Variants in SMO observed in about 807,000 individuals in gnomAD.
SMO encodes the protein smoothened, frizzled class receptor, also known as protein smoothened.
In SMO, 40 loss-of-function variants were observed where a neutral mutation model predicts 81.6. The observed-to-expected ratio is 0.49, with a 90% CI of 0.38 to 0.64. SMO has a LOEUF of 0.64. Among genes scored for constraint, SMO ranks in the 30% least tolerant of loss-of-function variants. SMO has a pLI of 0.00. For missense variants in SMO, 916 were observed against 1,061.1 expected, an observed-to-expected ratio of 0.86 and a Z score of 1.90; for synonymous variants, 434 against 432.1, an observed-to-expected ratio of 1.00 and a Z score of -0.05.
rs184397722 is a variant in SMO at position 129,191,266 on chromosome 7, G to A, written c.331+1784G>A. 5.3e-5 allele frequency among the ~76,000 whole-genome samples: 8 copies of A among 152,358 alleles called. No homozygotes were observed. The East Asian group carries it at 1.5e-3, about 29-fold the overall frequency. ...GAGGAAGGGTATGAACCTCTTTCCA[G>A]CCCATACTCTTGAGAGCAGCTGCTG... On this transcript the variant is annotated intron_variant, in intron 1 of 11. Coordinates refer to ENST00000249373, the MANE Select transcript of SMO (RefSeq NM_005631.5).
chr7:129,197,426 A>G (rs1370141482), intron 1 of SMO, among the ~76,000 whole-genome samples: 1 of 152,004 alleles, frequency 6.6e-6, no homozygotes, highest in African/African-American at 2.4e-5. Flanking sequence ...TGGATGTTGA[A>G]TTTTATCAAC....
In SMO at chr7:129,205,782, C is replaced by T. The variant is rs201012381; in HGVS notation, c.920C>T (p.Thr307Ile). 139 of 1,602,472 alleles carry T rather than the reference C, an allele frequency of 8.7e-5. No homozygotes were observed. The highest frequency in any genetic ancestry group is 1.1e-4 in the Non-Finnish European group (134 of 1,178,000). Reference sequence around the variant, plus strand: ...GGCACCATGAGGCTTGGGGAGCCCACGTAGGTGTCTTGGGGACCCAGAGGT... The same window carrying T: ...GGCACCATGAGGCTTGGGGAGCCCATGTAGGTGTCTTGGGGACCCAGAGGT... ...ADGTMRLGEP[T>I]SNETLSCVII... The change falls in exon 4 of 12, where the codon ACC becomes ATC. Residue 307 changes from threonine (T) to isoleucine (I), a missense_variant and splice_region_variant. Coordinates refer to ENST00000249373, the MANE Select transcript of SMO (RefSeq NM_005631.5).
intron 1 of SMO, among the ~76,000 whole-genome samples, chr7:129,195,828 G>A (rs1466329670): frequency 3.3e-5 from 5 of 152,070 alleles, no homozygotes; most frequent in Non-Finnish European, 5.9e-5. Context: ...TGGGCCAGGC[G>A]TGGTGGCTCA....
At chr7:129,200,715 A>C (rs1793655027) in intron 1 of SMO, among the ~76,000 whole-genome samples, 1 of 152,180 alleles carries the variant, frequency 6.6e-6, no homozygotes, top group Admixed American at 6.5e-5. Flanking sequence ...AGATTGAGAA[A>C]AATTACAGTT....
Position 129,195,886 on chromosome 7 carries a change from G to A in SMO, c.331+6404G>A, listed in dbSNP as rs529250715. The stretch of plus-strand genomic sequence containing the variant: ...GGAGGTCAAGGTGGGCAGATCACGA[G>A]GTCAGGAAGTCGAGACCATCCTGGC... On this transcript the variant is annotated intron_variant, in intron 1 of 11. Coordinates refer to ENST00000249373, the MANE Select transcript of SMO (RefSeq NM_005631.5). Among the ~76,000 whole-genome samples, 17 of 152,084 alleles carry A rather than the reference G, an allele frequency of 1.1e-4. No individual in the cohort carries two copies. In the South Asian group the frequency reaches 3.5e-3, roughly 32 times the overall value.
rs1381434757 is a variant in SMO at position 129,189,134 on chromosome 7, G to A, written c.-18G>A. The A allele has an allele frequency of 8.3e-7, 1 of 1,201,150 alleles. No homozygotes were observed. The highest frequency in any genetic ancestry group is 4.4e-5 in the Admixed American group (1 of 22,866). The allele number at this position is 1,201,150 out of a possible 1,614,324, so 74.4% of individuals were successfully genotyped here. A position where few individuals can be genotyped will look rare whatever the true frequency, so the allele number is the denominator to read the frequency against. On this transcript the variant is annotated 5_prime_UTR_variant, in exon 1 of 12. Transcript: ENST00000249373. This position sits in a 1 kb window ranked among gnomAD's most constrained non-coding sequence, Gnocchi z 4.7. ...AGGCGGGGGCGCCGGGGCTTTTGCT[G>A]AGTTGGCGGGGTTGGCCATGGCCGC...
Position 129,203,422 on chromosome 7 carries a change from C to A in SMO, c.370C>A (p.Pro124Thr), listed in dbSNP as rs915272388. 18 of 1,558,178 alleles carry A rather than the reference C, an allele frequency of 1.2e-5. No individual in the cohort carries two copies. Among genetic ancestry groups the A allele is most frequent in the Non-Finnish European group, 1.6e-5 (18 of 1,150,724 alleles). The change falls in exon 2 of 12, where the codon CCC becomes ACC. Residue 124 changes from proline (P) to threonine (T), a missense_variant. By Grantham distance (38) the Pro-to-Thr change is conservative. Around this residue, in one of 4 missense-constraint regions of SMO, gnomAD observed 10 missense variants for 27.5 expected, o/e 0.36. Transcript: ENST00000249373. ...CCCCCGCTGCTGGGCAGTGATCCAG[C>A]CCCTGCTGTGTGCCGTATACATGCC... Reference protein sequence around the residue: ...NAPRCWAVIQPLLCAVYMPKC... With the variant: ...NAPRCWAVIQTLLCAVYMPKC...
At position 129,211,799 on chromosome 7, in the gene SMO, G is replaced by T. The variant is rs200513404; in HGVS notation, c.1936+29G>T. ...TGAGAGTTCAAGCTTCTGGAGGAAG[G>T]TGGGGGGAGCACAGAGGCTGGGGGC... On this transcript the variant is annotated intron_variant, in intron 11 of 11. Coordinates refer to ENST00000249373, the MANE Select transcript of SMO (RefSeq NM_005631.5). The surrounding 1 kb of genome is among the most constrained non-coding windows in gnomAD (Gnocchi z 4.6). 1 of 1,613,674 alleles carries T rather than the reference G, an allele frequency of 6.2e-7. No homozygotes were observed. The highest frequency in any genetic ancestry group is 8.5e-7 in the Non-Finnish European group (1 of 1,179,728).
rs1793870216 is a variant in SMO, at chr7:129,211,558, T to C, written c.1802-78T>C. 67 of 1,488,720 alleles carry C rather than the reference T, an allele frequency of 4.5e-5. 1 individual carries two copies. In the South Asian group the frequency reaches 6.9e-4, roughly 15 times the overall value. 92.2% of individuals were successfully genotyped at this position (1,488,720 alleles called of 1,614,324 possible). ...GAGGGACTGGCTGTGGGAAGATGAA[T>C]GGCACTGACTATGGGAGGCACTGCC... On this transcript the variant is annotated intron_variant, in intron 10 of 11. Coordinates refer to ENST00000249373, the MANE Select transcript of SMO (RefSeq NM_005631.5). The surrounding 1 kb of genome is among the most constrained non-coding windows in gnomAD (Gnocchi z 4.6).
Position 129,210,375 on chromosome 7 carries a change from T to C in SMO, c.1479T>C (p.Asn493=), listed in dbSNP as rs1487307825. 2.5e-6 allele frequency: 4 copies of C among 1,614,038 alleles called. No homozygotes were observed. The highest frequency in any genetic ancestry group is 3.4e-6 in the Non-Finnish European group (4 of 1,179,884). ...TCCCTCACTGTAGATGTCAGGCCAA[T>C]GTGACCATCGGGCTGCCCACCAAGC... ...SFRDYVLCQA[N]VTIGLPTKQP... The change falls in exon 9 of 12, where the codon AAT becomes AAC. Residue 493 remains asparagine (N), a synonymous_variant. Coordinates refer to ENST00000249373, the MANE Select transcript of SMO (RefSeq NM_005631.5). The surrounding 1 kb of genome is among the most constrained non-coding windows in gnomAD (Gnocchi z 4.7).
intron 1 of SMO, among the ~76,000 whole-genome samples, chr7:129,198,380 G>A (rs1035806100): frequency 6.6e-6 from 1 of 152,210 alleles, no homozygotes; most frequent in Non-Finnish European, 1.5e-5. Context: ...CACCAACACT[G>A]GTTTTTGTGT....
Position 129,210,504 on chromosome 7 carries a change from C to T in SMO, c.1608C>T (p.Val536=), listed in dbSNP as rs2150653947. ...CTGGCATCGCCATGAGCACCTGGGT[C>T]TGGACCAAGGCCACGCTGCTCATCT... ...FGTGIAMSTW[V]WTKATLLIWR... Residue 536 remains valine (V), a synonymous_variant, in exon 9 of 12, where the codon GTC becomes GTT. Transcript: ENST00000249373. The surrounding 1 kb of genome is among the most constrained non-coding windows in gnomAD (Gnocchi z 4.7). 6.2e-7 allele frequency: 1 copy of T among 1,614,210 alleles called. No homozygotes were observed. Among genetic ancestry groups the T allele is most frequent in the Non-Finnish European group, 8.5e-7 (1 of 1,180,032 alleles).
intron 1 of SMO, among the ~76,000 whole-genome samples, chr7:129,194,137 TAC>T (rs1290099104): frequency 4.0e-5 from 6 of 151,382 alleles, no homozygotes; most frequent in African/African-American, 1.2e-4. Context: ...TGTGTATGTA[TAC>T]ACACACACAC....
intron 1 of SMO, among the ~76,000 whole-genome samples, chr7:129,195,752 T>C (rs1793562579): frequency 6.6e-6 from 1 of 152,096 alleles, no homozygotes; most frequent in East Asian, 1.9e-4. Context: ...TTTCAAGATA[T>C]CTGCAACAAA....
At position 129,211,646 on chromosome 7, in the gene SMO, C is replaced by G; in HGVS notation, c.1812C>G (p.Ala604=). Reference sequence around the variant, plus strand: ...CTTCCATTCCCACAGCGGGCTTGGCCTTTGACCTCAATGAGCCCTCAGCTG... The same window carrying G: ...CTTCCATTCCCACAGCGGGCTTGGCGTTTGACCTCAATGAGCCCTCAGCTG... The part of the protein sequence containing the change: ...VSHDGPVAGL[A]FDLNEPSADV... The change falls in exon 11 of 12, where the codon GCC becomes GCG. Residue 604 remains alanine, a synonymous_variant. Transcript: ENST00000249373. This position sits in a 1 kb window ranked among gnomAD's most constrained non-coding sequence, Gnocchi z 4.6. 1 of 1,613,028 alleles carries G rather than the reference C, an allele frequency of 6.2e-7. No individual in the cohort carries two copies. The highest frequency in any genetic ancestry group is 8.5e-7 in the Non-Finnish European group (1 of 1,179,976).
chr7:129,194,590 T>A (rs1300003687), intron 1 of SMO, among the ~76,000 whole-genome samples: 3 of 152,190 alleles, frequency 2.0e-5, no homozygotes, highest in African/African-American at 7.2e-5. Flanking sequence ...ATCCTTTTTT[T>A]CTCTATGGTT....
chr7:129,208,844 G>T lies in SMO; in HGVS notation c.1350G>T (p.Leu450=). 6.2e-7 allele frequency: 1 copy of T among 1,612,762 alleles called. No homozygotes were observed. The highest frequency in any genetic ancestry group is 1.7e-5 in the Admixed American group (1 of 60,002). ...CCAGCAAGATCAACGAGACCATGCT[G>T]CGCCTGGGTGAGTGGCCCCGGGGGA... ...KAASKINETM[L]RLGIFGFLAF... Residue 450 remains leucine (L), a synonymous_variant, in exon 7 of 12, where the codon CTG becomes CTT. Transcript: ENST00000249373. The surrounding 1 kb of genome is among the most constrained non-coding windows in gnomAD (Gnocchi z 5.2).
rs1793744353 is a variant in SMO, at chr7:129,205,265, A to G, written c.600A>G (p.Thr200=). 1.2e-6 allele frequency: 2 copies of G among 1,614,134 alleles called. No homozygotes were observed. Among genetic ancestry groups the G allele is most frequent in the African/African-American group, 2.7e-5 (2 of 74,954 alleles). Residue 200 remains threonine (T), a synonymous_variant, in exon 3 of 12, where the codon ACA becomes ACG. Transcript: ENST00000249373. ...AGTGCGAAGTGCCCTTGGTTCGGAC[A>G]GACAACCCCAAGAGCTGGTACGAGG... The part of the protein sequence containing the change: ...SGQCEVPLVR[T]DNPKSWYEDV...
chr7:129,208,872 T>C lies in SMO; in HGVS notation c.1357+21T>C, dbSNP rs750915145. On this transcript the variant is annotated intron_variant, in intron 7 of 11. Transcript: ENST00000249373. This position sits in a 1 kb window ranked among gnomAD's most constrained non-coding sequence, Gnocchi z 5.2. ...CCTGGGTGAGTGGCCCCGGGGGACT[T>C]CGGTCTGAGGTCCTGGCCAGCCCAA... is the stretch of plus-strand genomic sequence containing the variant. 6.3e-7 allele frequency: 1 copy of C among 1,579,718 alleles called. No homozygotes were observed. The highest frequency in any genetic ancestry group is 8.7e-7 in the Non-Finnish European group (1 of 1,150,534).
Sources: allele counts gnomAD v4.1 joint callset (sites outside exome capture counted in the v4.1 genomes callset), GRCh38; gene constraint gnomAD v4.1.1; regional missense constraint gnomAD v4.1.1; non-coding constraint Gnocchi (gnomAD v3.1); transcripts MANE v1.5; gene names NCBI Gene and HGNC (gene_info 2026-07-23, HGNC 2026-07-21).